The following UBE2O variants were observed in gnomAD, a reference collection of about 807,000 sequenced individuals.
UBE2O encodes the protein (E3-independent) E2 ubiquitin-conjugating enzyme.
Under a neutral mutation model 125.8 loss-of-function variants are expected in UBE2O, and 15 were observed. That is an observed-to-expected ratio of 0.12 (90% confidence interval 0.08 to 0.18). The LOEUF (loss-of-function observed/expected upper bound fraction) is 0.18, where lower values mean the gene tolerates loss of function less well. UBE2O is among the 10% of genes least tolerant of loss of function. The pLI, the probability that UBE2O is intolerant of heterozygous loss-of-function variation, is 1.00. For synonymous variants in UBE2O, 708 were observed against 703.2 expected (o/e 1.01, Z -0.11); for missense variants, 1,280 against 1,723.6 (o/e 0.74, Z 4.56).
chr17:76,394,810 G>C (rs572218178), intron 15 of UBE2O, among the ~76,000 whole-genome samples: 49 of 152,206 alleles, frequency 3.2e-4, no homozygotes, highest in African/African-American at 1.1e-3. Context: ...CAAAGGATCT[G>C]TAATGTTCTA....
chr17:76,432,158 G>C (rs2072917007), intron 1 of UBE2O, among the ~76,000 whole-genome samples: 1 of 152,124 alleles, frequency 6.6e-6, no homozygotes, highest in Non-Finnish European at 1.5e-5. Context: ...GCAGCCAAGA[G>C]CCTTTGGAAA....
chr17:76,431,150 G>A (rs542183879), intron 1 of UBE2O: 38 of 169,528 alleles, frequency 2.2e-4, no homozygotes, highest in African/African-American at 7.0e-4. Flanking sequence ...AGAGGCAACC[G>A]GAGGTTTTTA....
chr17:76,405,217 G>T lies in UBE2O; in HGVS notation c.577C>A (p.Gln193Lys). The T allele has an allele frequency of 6.2e-7, 1 of 1,611,102 alleles. No individual in the cohort carries two copies. Among genetic ancestry groups the T allele is most frequent in the Non-Finnish European group, 8.5e-7 (1 of 1,178,006 alleles). ...IIYPVNSKDL[Q>K]HIWPFMYGDY... ...CAGGGCCGGCTCACCCAGATGTGCT[G>T]CAGGTCCTTGCTGTTGACGGGATAG... Residue 193 changes from glutamine (Q) to lysine (K), a missense_variant, in exon 3 of 18, where the codon CAG (glutamine) becomes AAG (lysine). Physicochemically the swap from Gln to Lys is moderately conservative, Grantham distance 53. Around this residue, in one of 10 missense-constraint regions of UBE2O, gnomAD observed 206 missense variants for 315.7 expected, o/e 0.65. Coordinates refer to ENST00000319380, the MANE Select transcript of UBE2O (RefSeq NM_022066.4). This position sits in a 1 kb window ranked among gnomAD's most constrained non-coding sequence, Gnocchi z 6.1.
chr17:76,406,835 G>A (rs994707490), intron 1 of UBE2O, among the ~76,000 whole-genome samples: 1 of 151,878 alleles, frequency 6.6e-6, no homozygotes, highest in Non-Finnish European at 1.5e-5. Flanking sequence ...GAGTAGGTGG[G>A]ACTGCAGGCA....
chr17:76,424,136 C>T (rs530588564), intron 1 of UBE2O, among the ~76,000 whole-genome samples: 2 of 151,504 alleles, frequency 1.3e-5, no homozygotes, highest in Non-Finnish European at 2.9e-5. Flanking sequence ...TCTCGATCTC[C>T]TGACCTTGTG....
At chr17:76,420,323 G>A (rs1432781490) in intron 1 of UBE2O, among the ~76,000 whole-genome samples, 1 of 152,164 alleles carries the variant, frequency 6.6e-6, no homozygotes, top group African/African-American at 2.4e-5. Flanking sequence ...CCACTGAAGT[G>A]GGAGCAGGGG....
At chr17:76,424,148 T>C (rs1271062897) in intron 1 of UBE2O, among the ~76,000 whole-genome samples, 3 of 151,304 alleles carry the variant, frequency 2.0e-5, no homozygotes, top group Non-Finnish European at 4.4e-5. Flanking sequence ...GACCTTGTGA[T>C]CCGTCCGTCT....
Position 76,396,849 on chromosome 17 carries a change from A to G in UBE2O, c.2116-28T>C, listed in dbSNP as rs866774375. ...GGGGGCAGAAGGGAAGTGCCAGGGT[A>G]AGCAGACAGGAAGTCACCTCCCCAC... On this transcript the variant is annotated intron_variant, in intron 13 of 17. Coordinates refer to ENST00000319380, the MANE Select transcript of UBE2O (RefSeq NM_022066.4). This position sits in a 1 kb window ranked among gnomAD's most constrained non-coding sequence, Gnocchi z 6.7. 1.3e-6 allele frequency: 2 copies of G among 1,548,418 alleles called. No homozygotes were observed. Among genetic ancestry groups the G allele is most frequent in the Middle Eastern group, 4.0e-4 (2 of 4,996 alleles).
chr17:76,402,265 T>A lies in UBE2O; in HGVS notation c.687-138A>T. On this transcript the variant is annotated intron_variant, in intron 4 of 17. Coordinates refer to ENST00000319380, the MANE Select transcript of UBE2O (RefSeq NM_022066.4). The surrounding 1 kb of genome is among the most constrained non-coding windows in gnomAD (Gnocchi z 5.4). ...CTACCATCAACTCAGCCCGAGGTAG[T>A]ACAAGAAACTCTCCCACAACGAACA... The A allele has an allele frequency of 1.3e-6, 1 of 758,522 alleles. No individual in the cohort carries two copies. Among genetic ancestry groups the A allele is most frequent in the Non-Finnish European group, 2.2e-6 (1 of 464,226 alleles). The allele number at this position is 758,522 out of a possible 1,614,324, so 47.0% of individuals were successfully genotyped here.
chr17:76,433,747 GGCCAGTGCGGTGGCCTGTAAT>G, intron 1 of UBE2O, among the ~76,000 whole-genome samples: 1 of 151,834 alleles, frequency 6.6e-6, no homozygotes, highest in East Asian at 1.9e-4. Flanking sequence ...ATGGGGTTTC[GGCCAGTGCGGTGGCCTGTAAT>G]GCCAGCACTT....
intron 1 of UBE2O, among the ~76,000 whole-genome samples, chr17:76,419,254 G>A (rs1448786206): frequency 2.2e-5 from 3 of 134,384 alleles, no homozygotes; most frequent in Non-Finnish European, 4.6e-5. Flanking sequence ...ACTGCACTCT[G>A]GCCTGGGTGA....
chr17:76,437,186 C>T (rs1209530127), intron 1 of UBE2O, among the ~76,000 whole-genome samples: 1 of 149,094 alleles, frequency 6.7e-6, no homozygotes, highest in African/African-American at 2.5e-5. Flanking sequence ...CACAGTGGCT[C>T]ACTCCGGTAA....
chr17:76,452,824 G>A lies in UBE2O; in HGVS notation c.318C>T (p.Gly106=), dbSNP rs1418976129. The change falls in exon 1 of 18, where the codon GGC becomes GGT. Residue 106 remains glycine (G), a synonymous_variant. Coordinates refer to ENST00000319380, the MANE Select transcript of UBE2O (RefSeq NM_022066.4). The surrounding 1 kb of genome is among the most constrained non-coding windows in gnomAD (Gnocchi z 4.4). ...RGSSGCSEAG[G]AGHEEGRASP... is the part of the protein sequence containing the mutation. ...TGGCCCGGCCCTCCTCGTGGCCCGCGCCCCCGGCCTCGGAGCACCCCGAGC... is the reference window on the plus strand; with the variant it reads ...TGGCCCGGCCCTCCTCGTGGCCCGCACCCCCGGCCTCGGAGCACCCCGAGC... 1.4e-5 allele frequency: 21 copies of A among 1,505,692 alleles called. No individual in the cohort carries two copies. Among genetic ancestry groups the A allele is most frequent in the Admixed American group, 6.6e-5 (3 of 45,194 alleles). The allele number at this position is 1,505,692 out of a possible 1,614,324, so 93.3% of individuals were successfully genotyped here.
chr17:76,425,286 A>G (rs2072793623), intron 1 of UBE2O, among the ~76,000 whole-genome samples: 1 of 151,410 alleles, frequency 6.6e-6, no homozygotes, highest in Non-Finnish European at 1.5e-5. Context: ...AAAAATTTTA[A>G]AGGACCTACT....
At chr17:76,416,028 C>A (rs577495115) in intron 1 of UBE2O, among the ~76,000 whole-genome samples, 5 of 148,930 alleles carry the variant, frequency 3.4e-5, no homozygotes, top group African/African-American at 1.2e-4. Context: ...TGTACACACA[C>A]GTATATATGT....
rs2072377824 is a variant in UBE2O, at chr17:76,404,128, G to A, written c.588+1078C>T. ...ATTTAGCAACATCAGAGCAATGGCT[G>A]GCGCAGGGGGAACTGTGAATGGAGG... On this transcript the variant is annotated intron_variant, in intron 3 of 17. Coordinates refer to ENST00000319380, the MANE Select transcript of UBE2O (RefSeq NM_022066.4). The surrounding 1 kb of genome is among the most constrained non-coding windows in gnomAD (Gnocchi z 4.3). Among the ~76,000 whole-genome samples the A allele has an allele frequency of 6.6e-6, 1 of 152,244 alleles. No homozygotes were observed. The highest frequency in any genetic ancestry group is 1.5e-5 in the Non-Finnish European group (1 of 68,044).
intron 1 of UBE2O, among the ~76,000 whole-genome samples, chr17:76,409,816 A>G (rs1392655790): frequency 1.3e-5 from 2 of 152,144 alleles, no homozygotes; most frequent in Admixed American, 1.3e-4. Context: ...CCCTCCGAGG[A>G]GAGGGATTCT....
intron 1 of UBE2O, among the ~76,000 whole-genome samples, chr17:76,412,875 G>T (rs1263615584): frequency 6.6e-6 from 1 of 152,150 alleles, no homozygotes; most frequent in Non-Finnish European, 1.5e-5. Flanking sequence ...GGGCGTGGTG[G>T]TGGGCACCTG....
rs1598632378 is a variant in UBE2O, at chr17:76,453,064, C to T, written c.78G>A (p.Pro26=). 7 of 1,307,908 alleles carry T rather than the reference C, an allele frequency of 5.4e-6. No individual in the cohort carries two copies. The highest frequency in any genetic ancestry group is 4.7e-5 in the African/African-American group (3 of 63,986). The allele number at this position is 1,307,908 out of a possible 1,614,324, so 81.0% of individuals were successfully genotyped here. A position where few individuals can be genotyped will look rare whatever the true frequency, so the allele number is the denominator to read the frequency against. The change falls in exon 1 of 18, where the codon CCG becomes CCA. Residue 26 remains proline (P), a synonymous_variant. Transcript: ENST00000319380. ...CCGGGACGGGGGCTGCGGCTGGGGC[C>T]GGGACTGCCTCCGGGGCTGGAGCCG... ...QAPAPAPEAV[P]APAAAPVPAP...
Sources: allele counts gnomAD v4.1 joint callset (sites outside exome capture counted in the v4.1 genomes callset), GRCh38; gene constraint gnomAD v4.1.1; regional missense constraint gnomAD v4.1.1; non-coding constraint Gnocchi (gnomAD v3.1); transcripts MANE v1.5; gene names NCBI Gene and HGNC (gene_info 2026-07-23, HGNC 2026-07-21).